MCU: variants seen among roughly 807,000 people sequenced by gnomAD.
MCU encodes calcium uniporter protein, mitochondrial.
In MCU, 12 loss-of-function variants were observed where a neutral mutation model predicts 45.2. The observed-to-expected ratio is 0.27, with a 90% CI of 0.17 to 0.43. MCU has a LOEUF of 0.43. Among genes scored for constraint, MCU ranks in the 20% least tolerant of loss-of-function variants. MCU has a pLI of 1.00. For missense variants in MCU, 324 were observed against 436.7 expected, an observed-to-expected ratio of 0.74 and a Z score of 2.30; for synonymous variants, 160 against 165.1, an observed-to-expected ratio of 0.97 and a Z score of 0.24.
Position 72,759,069 on chromosome 10 carries a change from A to T in MCU, c.150+66768A>T, listed in dbSNP as rs565166727. ...GTTCCGCAAGTCTGCATGTAGGGTA[A>T]TAGTACTTCTGTTCATCTGTAGCAG... On this transcript the variant is annotated intron_variant, in intron 1 of 7. Coordinates refer to ENST00000373053, the MANE Select transcript of MCU (RefSeq NM_138357.3). 6.6e-5 allele frequency among the ~76,000 whole-genome samples: 10 copies of T among 152,256 alleles called. No homozygotes were observed. In the South Asian group the frequency reaches 1.9e-3, roughly 28 times the overall value.
At chr10:72,837,225 T>C (rs1439203150) in intron 2 of MCU, among the ~76,000 whole-genome samples, 2 of 151,992 alleles carry the variant, frequency 1.3e-5, no homozygotes, top group Non-Finnish European at 2.9e-5. Flanking sequence ...TAAATACTTA[T>C]GAGAATCTAT....
intron 1 of MCU, among the ~76,000 whole-genome samples, chr10:72,727,034 TG>T (rs1328641345): frequency 6.6e-6 from 1 of 152,208 alleles, no homozygotes; most frequent in Non-Finnish European, 1.5e-5. Flanking sequence ...TGTATGGCTT[TG>T]GGGATGGCGG....
At chr10:72,751,023 C>CA in intron 1 of MCU, among the ~76,000 whole-genome samples, 1 of 152,008 alleles carries the variant, frequency 6.6e-6, no homozygotes, top group Admixed American at 6.5e-5. Flanking sequence ...TTTTTGGAGA[C>CA]AGAGTTTTGC....
At chr10:72,793,448 G>T (rs1458742281) in intron 1 of MCU, among the ~76,000 whole-genome samples, 1 of 152,098 alleles carries the variant, frequency 6.6e-6, no homozygotes, top group Non-Finnish European at 1.5e-5. Flanking sequence ...GGCCATGAGG[G>T]TTTAATTTAT....
At position 72,868,770 on chromosome 10, in the gene MCU, C is replaced by G. The variant is rs202242355; in HGVS notation, c.564C>G (p.Thr188=). 4.6e-5 allele frequency: 74 copies of G among 1,614,070 alleles called. No homozygotes were observed. In the East Asian group the frequency reaches 1.6e-3, roughly 36 times the overall value. The stretch of plus-strand genomic sequence containing the variant: ...AGACATTGGTCCAGCAACTATACAC[C>G]ACACTGTGCATTGAGCAGCACCAGT... The part of the protein sequence containing the change: ...DVKTLVQQLY[T]TLCIEQHQLN... Residue 188 remains threonine, a synonymous_variant, in exon 5 of 8, where the codon ACC becomes ACG. Transcript: ENST00000373053.
chr10:72,847,306 C>A (rs1845137723), intron 2 of MCU, among the ~76,000 whole-genome samples: 1 of 152,130 alleles, frequency 6.6e-6, no homozygotes. Context: ...GTTGGGGGAA[C>A]CTGGGGTTCT....
intron 4 of MCU, among the ~76,000 whole-genome samples, chr10:72,861,339 A>G (rs1242854214): frequency 6.6e-6 from 1 of 151,852 alleles, no homozygotes; most frequent in Non-Finnish European, 1.5e-5. Flanking sequence ...ATATGCTTTT[A>G]TGGGAAAAGG....
chr10:72,695,918 A>G (rs534967206), intron 1 of MCU, among the ~76,000 whole-genome samples: 142 of 151,638 alleles, frequency 9.4e-4, no homozygotes, highest in African/African-American at 2.8e-3. Context: ...AATCCCAGCA[A>G]CTAGGGAGGC....
At chr10:72,839,920 C>T (rs543535951) in intron 2 of MCU, among the ~76,000 whole-genome samples, 131 of 144,166 alleles carry the variant, frequency 9.1e-4, no homozygotes, top group African/African-American at 2.8e-3. Context: ...GCTGAGATCA[C>T]GCCACTGCAC....
chr10:72,741,142 C>T (rs1372060728), intron 1 of MCU, among the ~76,000 whole-genome samples: 1 of 149,360 alleles, frequency 6.7e-6, no homozygotes, highest in African/African-American at 2.5e-5. Context: ...CTCTGTCCCC[C>T]AGCCTGGAGT....
chr10:72,725,640 A>G (rs908632688), intron 1 of MCU, among the ~76,000 whole-genome samples: 16 of 152,128 alleles, frequency 1.1e-4, no homozygotes, highest in Admixed American at 5.2e-4. Flanking sequence ...TATAATCCCA[A>G]CACTTTGGGA....
intron 1 of MCU, among the ~76,000 whole-genome samples, chr10:72,748,291 G>T (rs1453417786): frequency 1.3e-5 from 2 of 152,156 alleles, no homozygotes; most frequent in African/African-American, 2.4e-5. Flanking sequence ...CAGGTGATCC[G>T]CCCGCCTTGG....
Position 72,817,829 on chromosome 10 carries a change from GCCT to G in MCU, c.151-16529_151-16527del, listed in dbSNP as rs1844649544. On this transcript the variant is annotated intron_variant, in intron 1 of 7. Coordinates refer to ENST00000373053, the MANE Select transcript of MCU (RefSeq NM_138357.3). ...AAAGTAGTAAGTAGACAATACTAGA[GCCT>G]TTAATGGAGTTCAGTGACCCAGGGA... Among the ~76,000 whole-genome samples the G allele has an allele frequency of 2.6e-5, 4 of 152,300 alleles. No homozygotes were observed. In the South Asian group the frequency reaches 8.3e-4, roughly 32 times the overall value.
rs984437229 is a variant in MCU, at chr10:72,887,265, T to G, written c.*1443T>G. ...AAAACTTTAAATGACAAACCCAGAC[T>G]CCAGGTGCCTTGCAAAGGTTGAAGG... On this transcript the variant is annotated 3_prime_UTR_variant, in exon 8 of 8. Coordinates refer to ENST00000373053, the MANE Select transcript of MCU (RefSeq NM_138357.3). 4 of 152,672 alleles carry G rather than the reference T, an allele frequency of 2.6e-5. No individual in the cohort carries two copies. The highest frequency in any genetic ancestry group is 5.9e-5 in the Non-Finnish European group (4 of 68,018). 9.5% of individuals were successfully genotyped at this position (152,672 alleles called of 1,614,324 possible). A position where few individuals can be genotyped will look rare whatever the true frequency, so the allele number is the denominator to read the frequency against.
chr10:72,856,054 T>TA (rs1338011649), intron 2 of MCU, among the ~76,000 whole-genome samples: 4 of 152,192 alleles, frequency 2.6e-5, no homozygotes. Flanking sequence ...TTCTCAGCAA[T>TA]ACAAATGAAT....
At chr10:72,700,496 C>T (rs1275107098) in intron 1 of MCU, among the ~76,000 whole-genome samples, 1 of 152,222 alleles carries the variant, frequency 6.6e-6, no homozygotes, top group African/African-American at 2.4e-5. Context: ...ATTTATTTCA[C>T]TGCACTTTGT....
At chr10:72,737,953 A>G (rs1843274138) in intron 1 of MCU, among the ~76,000 whole-genome samples, 1 of 152,186 alleles carries the variant, frequency 6.6e-6, no homozygotes, top group African/African-American at 2.4e-5. Context: ...GCATGGGAGC[A>G]GGGATGAGCA....
intron 1 of MCU, among the ~76,000 whole-genome samples, chr10:72,710,849 T>C (rs1842883859): frequency 6.6e-6 from 1 of 152,092 alleles, no homozygotes; most frequent in African/African-American, 2.4e-5. Context: ...CTATCTTATA[T>C]AGTTTTGTAA....
chr10:72,802,029 C>T (rs547768583), intron 1 of MCU, among the ~76,000 whole-genome samples: 1 of 152,188 alleles, frequency 6.6e-6, no homozygotes, highest in South Asian at 2.1e-4. Context: ...TTTAAGCCAC[C>T]TATGTGGTCT....
Sources: allele counts gnomAD v4.1 joint callset (sites outside exome capture counted in the v4.1 genomes callset), GRCh38; gene constraint gnomAD v4.1.1; transcripts MANE v1.5; gene names NCBI Gene and HGNC (gene_info 2026-07-23, HGNC 2026-07-21).